The following FSTL4 variants were observed in gnomAD, a reference collection of about 807,000 sequenced individuals.
FSTL4 encodes the protein follistatin-related protein 4.
A neutral mutation model predicts 78.2 loss-of-function variants in FSTL4; 28 were observed. That is an observed-to-expected ratio of 0.36 (90% CI 0.27 to 0.49). The LOEUF is 0.49. FSTL4 is among the 20% of genes least tolerant of loss of function. FSTL4 has a pLI of 0.98. For synonymous variants in FSTL4, 422 were observed against 440.5 expected (o/e 0.96, Z 0.53); for missense variants, 922 against 1,084.9 (o/e 0.85, Z 2.11).
intron 6 of FSTL4, among the ~76,000 whole-genome samples, chr5:133,261,016 A>G (rs1752508219): frequency 6.6e-6 from 1 of 152,156 alleles, no homozygotes; most frequent in Admixed American, 6.5e-5. Context: ...TTGATTTTCT[A>G]AGAAGCTGTT....
At chr5:133,656,812 G>A in the FSTL4 span, among the ~76,000 whole-genome samples, 510 of 152,292 alleles carry the variant, frequency 3.3e-3, 6 homozygotes, top group African/African-American at 0.012. Context: ...GTTGGATGGA[G>A]AATAGACTGC....
chr5:133,470,823 T>C (rs1030726001), intron 3 of FSTL4, among the ~76,000 whole-genome samples: 13 of 145,156 alleles, frequency 9.0e-5, no homozygotes, highest in African/African-American at 2.3e-4. Flanking sequence ...AATAAAAACA[T>C]GAGTCTTGAA....
At chr5:133,549,793 CTTAGCTTGTGG>C (rs1311925294) in intron 3 of FSTL4, among the ~76,000 whole-genome samples, 1 of 152,186 alleles carries the variant, frequency 6.6e-6, no homozygotes, top group Non-Finnish European at 1.5e-5. Flanking sequence ...CTACTGAAAG[CTTAGCTTGTGG>C]TTCCTGTTCT....
the FSTL4 span, among the ~76,000 whole-genome samples, chr5:133,691,628 C>G: frequency 6.6e-6 from 1 of 152,058 alleles, no homozygotes; most frequent in Non-Finnish European, 1.5e-5. Context: ...ACACTGAACC[C>G]CGCTCTTATT....
At chr5:133,480,764 C>T (rs1320371265) in intron 3 of FSTL4, among the ~76,000 whole-genome samples, 3 of 152,132 alleles carry the variant, frequency 2.0e-5, no homozygotes, top group Non-Finnish European at 4.4e-5. Flanking sequence ...GCTGCCACCC[C>T]AGCTGAATAA....
At chr5:133,696,564 T>A in the FSTL4 span, among the ~76,000 whole-genome samples, 9 of 152,352 alleles carry the variant, frequency 5.9e-5, no homozygotes, top group South Asian at 1.9e-3. Flanking sequence ...TACCAAAAGG[T>A]CACCTCTGAT....
chr5:133,342,291 A>G (rs1407316615), intron 4 of FSTL4, among the ~76,000 whole-genome samples: 2 of 152,114 alleles, frequency 1.3e-5, no homozygotes, highest in Non-Finnish European at 2.9e-5. Flanking sequence ...GCTGGTCAAC[A>G]CCATGGAGGG....
intron 3 of FSTL4, among the ~76,000 whole-genome samples, chr5:133,456,484 A>G (rs551365011): frequency 6.6e-6 from 1 of 152,174 alleles, no homozygotes; most frequent in Non-Finnish European, 1.5e-5. Flanking sequence ...AGTCCAGCTT[A>G]GGGAGGGGGA....
intron 3 of FSTL4, among the ~76,000 whole-genome samples, chr5:133,527,490 CA>C (rs1339899148): frequency 2.7e-3 from 417 of 151,914 alleles, no homozygotes; most frequent in African/African-American, 9.3e-3. Context: ...CACACACACA[CA>C]CACACACACA....
chr5:133,676,446 T>C, the FSTL4 span, among the ~76,000 whole-genome samples: 5 of 152,358 alleles, frequency 3.3e-5, no homozygotes, highest in South Asian at 8.3e-4. Context: ...TTTTACTAAT[T>C]AGTTTCTTCT....
intron 13 of FSTL4, chr5:133,210,892 T>C (rs1467029806): frequency 1.3e-5 from 2 of 152,168 alleles, no homozygotes; most frequent in Non-Finnish European, 2.9e-5. Context: ...AGAGGCTAAG[T>C]TTTTCACTCA....
At chr5:133,262,326 A>ATTCTG (rs1305863187) in intron 6 of FSTL4, among the ~76,000 whole-genome samples, 1 of 152,216 alleles carries the variant, frequency 6.6e-6, no homozygotes, top group Admixed American at 6.5e-5. Context: ...CCCTGGACTG[A>ATTCTG]TTCTGTCTGC....
intron 3 of FSTL4, among the ~76,000 whole-genome samples, chr5:133,421,419 C>T (rs563986699): frequency 6.6e-6 from 1 of 152,266 alleles, no homozygotes; most frequent in African/African-American, 2.4e-5. Flanking sequence ...GTTCTGGCTA[C>T]AGCCACTGTC....
the FSTL4 span, among the ~76,000 whole-genome samples, chr5:133,663,988 G>A: frequency 6.6e-6 from 1 of 152,202 alleles, no homozygotes; most frequent in Non-Finnish European, 1.5e-5. Flanking sequence ...ATGAGCAAAT[G>A]TCCAAAGAGC....
the FSTL4 span, among the ~76,000 whole-genome samples, chr5:133,627,029 TTCTTTCAGTACCTGC>T: frequency 6.6e-6 from 1 of 152,178 alleles, no homozygotes; most frequent in African/African-American, 2.4e-5. Context: ...CTCCTTTCAT[TTCTTTCAGTACCTGC>T]TTCACGTATT....
At chr5:133,477,804 T>C (rs1757954002) in intron 3 of FSTL4, among the ~76,000 whole-genome samples, 1 of 152,232 alleles carries the variant, frequency 6.6e-6, no homozygotes, top group East Asian at 1.9e-4. Flanking sequence ...TTTCTTTTCC[T>C]GAGAAGTGCC....
At chr5:133,550,004 G>A (rs2112927625) in intron 3 of FSTL4, among the ~76,000 whole-genome samples, 1 of 152,236 alleles carries the variant, frequency 6.6e-6, no homozygotes, top group Middle Eastern at 3.4e-3. Context: ...ATCTGCCCTA[G>A]GCTTGACTCC....
At chr5:133,744,964 C>T in the FSTL4 span, among the ~76,000 whole-genome samples, 1 of 152,186 alleles carries the variant, frequency 6.6e-6, no homozygotes, top group East Asian at 1.9e-4. Context: ...AAGGGACAGG[C>T]TGGGAGTTGG....
chr5:133,371,585 T>C (rs1356717959), intron 4 of FSTL4, among the ~76,000 whole-genome samples: 2 of 152,200 alleles, frequency 1.3e-5, no homozygotes, highest in African/African-American at 4.8e-5. Flanking sequence ...AAAGCCTCCA[T>C]TTGAAGTGCC....
Sources: gnomAD v4.1 joint callset for allele counts (sites outside exome capture counted in the v4.1 genomes callset) on GRCh38, gnomAD v4.1.1 for gene constraint, MANE v1.5 for transcripts, NCBI Gene and HGNC (gene_info 2026-07-23, HGNC 2026-07-21) for gene names.